SPATA6L: variants seen among roughly 807,000 people sequenced by gnomAD.
SPATA6L encodes the protein spermatogenesis associated 6-like protein.
A neutral mutation model predicts 49.2 loss-of-function variants in SPATA6L; 68 were observed. The ratio of observed to expected loss-of-function variants is 1.38; its 90% confidence interval spans 1.14 to 1.69. The LOEUF (loss-of-function observed/expected upper bound fraction) is 1.69. Ranked by LOEUF, SPATA6L falls within the 40% of genes most tolerant of loss-of-function variation. The pLI, the probability that SPATA6L is intolerant of heterozygous loss-of-function variation, is 0.00. For synonymous variants in SPATA6L, 198 were observed against 165.7 expected, an observed-to-expected ratio of 1.19 and a Z score of -1.50; for missense variants, 668 against 464.3, an observed-to-expected ratio of 1.44 and a Z score of -4.03.
chr9:4,657,733 T>A (rs1838626212), intron 2 of SPATA6L, among the ~76,000 whole-genome samples: 1 of 151,918 alleles, frequency 6.6e-6, no homozygotes, highest in South Asian at 2.1e-4. Context: ...TTTGTTGGAG[T>A]GGAAAGACCC....
chr9:4,630,547 T>C (rs1210272553), intron 4 of SPATA6L, among the ~76,000 whole-genome samples: 1 of 152,216 alleles, frequency 6.6e-6, no homozygotes, highest in Non-Finnish European at 1.5e-5. Context: ...TTCCTTCTTT[T>C]CTTTTCCATC....
chr9:4,653,769 AC>A (rs1837460864), intron 3 of SPATA6L, among the ~76,000 whole-genome samples: 1 of 152,070 alleles, frequency 6.6e-6, no homozygotes, highest in Non-Finnish European at 1.5e-5. Flanking sequence ...TCTCTACAAA[AC>A]AAAAACAAAA....
At chr9:4,627,751 A>AC in intron 5 of SPATA6L, 7 of 1,289,376 alleles carry the variant, frequency 5.4e-6, no homozygotes, top group Non-Finnish European at 7.1e-6. Flanking sequence ...CTTCACGCTT[A>AC]CCAAAGACGG....
Position 4,662,464 on chromosome 9 carries a change from G to A in SPATA6L, c.40-428C>T, listed in dbSNP as rs767343788. 1.2e-5 allele frequency: 18 copies of A among 1,546,444 alleles called. No individual in the cohort carries two copies. The African/African-American group carries it at 2.2e-4, about 19-fold the overall frequency. On this transcript the variant is annotated intron_variant, in intron 1 of 11. Coordinates refer to ENST00000682582, the MANE Select transcript of SPATA6L (RefSeq NM_001353486.2). This position sits in a 1 kb window ranked among gnomAD's most constrained non-coding sequence, Gnocchi z 4.9. ...AGCAGCCCCGGCAGCCCAGCCCATG[G>A]CGGCGGTGGCGGCGGCAGCAGGTTT...
Position 4,656,075 on chromosome 9 carries a change from T to G in SPATA6L, c.192A>C (p.Ala64=). The change falls in exon 3 of 12, where the codon GCA becomes GCC. Residue 64 remains alanine (A), a synonymous_variant. Transcript: ENST00000682582. ...SMRFEKVFES[A]VDPGAVVDLL... is the part of the protein sequence containing the mutation. Reference sequence around the variant, plus strand: ...GGTCTACTACAGCTCCAGGATCTACTGCACTTTCAAATACCTGCAGAGAAA... The same window carrying G: ...GGTCTACTACAGCTCCAGGATCTACGGCACTTTCAAATACCTGCAGAGAAA... The G allele has an allele frequency of 6.2e-7, 1 of 1,613,004 alleles. No homozygotes were observed. The highest frequency in any genetic ancestry group is 1.1e-5 in the South Asian group (1 of 90,884).
At chr9:4,640,363 G>A (rs554980854) in intron 3 of SPATA6L, among the ~76,000 whole-genome samples, 1 of 152,156 alleles carries the variant, frequency 6.6e-6, no homozygotes, top group East Asian at 1.9e-4. Context: ...ATTATTACTT[G>A]TATTATTAAT....
intron 9 of SPATA6L, among the ~76,000 whole-genome samples, chr9:4,606,811 T>G (rs1190061959): frequency 4.0e-5 from 6 of 148,328 alleles, no homozygotes; most frequent in African/African-American, 1.5e-4. Context: ...TTCGACGAGC[T>G]GAGAGAAGAA....
At position 4,617,955 on chromosome 9, in the gene SPATA6L, A is replaced by G; in HGVS notation, c.963T>C (p.Pro321=). The part of the protein sequence containing the change: ...SFATYQHSTS[P]GPLDQPLLRE... ...TGAGAAGGGGCTGATCCAAGGGGCC[A>G]GGAGAGGTGGAATGCTGGTAGGTGG... The change falls in exon 9 of 12, where the codon CCT becomes CCC. Residue 321 remains proline, a synonymous_variant. Coordinates refer to ENST00000682582, the MANE Select transcript of SPATA6L (RefSeq NM_001353486.2). 6.2e-7 allele frequency: 1 copy of G among 1,613,896 alleles called. No individual in the cohort carries two copies. The highest frequency in any genetic ancestry group is 8.5e-7 in the Non-Finnish European group (1 of 1,179,916).
At chr9:4,627,804 T>C (rs899739533) in intron 5 of SPATA6L, 1 of 1,289,150 alleles carries the variant, frequency 7.8e-7, no homozygotes, top group African/African-American at 1.5e-5. Flanking sequence ...AAAAGAAAGG[T>C]GGCCCCATGT....
chr9:4,651,057 G>A (rs1380638453), intron 3 of SPATA6L, among the ~76,000 whole-genome samples: 3 of 151,952 alleles, frequency 2.0e-5, no homozygotes, highest in Non-Finnish European at 2.9e-5. Context: ...AGCTGGGGTA[G>A]AGTGGTACGA....
chr9:4,605,426 G>C lies in SPATA6L; in HGVS notation c.1010C>G (p.Ser337Cys), dbSNP rs771189142. The change falls in exon 10 of 12, where the codon TCT becomes TGT. Residue 337 changes from serine (S) to cysteine (C), a missense_variant. Physicochemically the swap from Ser to Cys is moderately radical, Grantham distance 112 (BLOSUM62 -1). Coordinates refer to ENST00000682582, the MANE Select transcript of SPATA6L (RefSeq NM_001353486.2). The part of the protein sequence containing the change: ...PLLRERFHPG[S>C]QSTWKNIHER... ...ATGGATATTCTTCCATGTGGACTGA[G>C]AACCAGGATGGAACCTGCTCAACAG... 2 of 1,613,874 alleles carry C rather than the reference G, an allele frequency of 1.2e-6. No individual in the cohort carries two copies. Among genetic ancestry groups the C allele is most frequent in the South Asian group, 2.2e-5 (2 of 91,074 alleles).
chr9:4,612,576 C>G (rs568069456), intron 9 of SPATA6L, among the ~76,000 whole-genome samples: 2 of 152,304 alleles, frequency 1.3e-5, no homozygotes, highest in East Asian at 3.9e-4. Context: ...GTTATACGGA[C>G]TTGCAGTTTC....
chr9:4,642,731 A>G (rs1834307783), intron 3 of SPATA6L, among the ~76,000 whole-genome samples: 1 of 151,200 alleles, frequency 6.6e-6, no homozygotes, highest in South Asian at 2.1e-4. Flanking sequence ...ACCATAAAAC[A>G]TCAAAATAAC....
At chr9:4,656,150 C>CAGTT in intron 2 of SPATA6L, 61 bp from the exon 3 acceptor site, 2 of 1,409,992 alleles carry the variant, frequency 1.4e-6, no homozygotes, top group Non-Finnish European at 2.0e-6. Context: ...CATATAGAAA[C>CAGTT]TGTAAATGCC....
At chr9:4,611,815 A>AT (rs919876346) in intron 9 of SPATA6L, among the ~76,000 whole-genome samples, 1 of 151,230 alleles carries the variant, frequency 6.6e-6, no homozygotes, top group Admixed American at 6.6e-5. Flanking sequence ...AGAAAAAAAA[A>AT]TTTTTAATCC....
At chr9:4,646,520 C>A in intron 3 of SPATA6L, 1 of 1,500,998 alleles carries the variant, frequency 6.7e-7, no homozygotes, top group Non-Finnish European at 8.9e-7. Context: ...TCAAACCTGG[C>A]TAGGAAGCCT....
chr9:4,617,704 G>A (rs1326460045), intron 9 of SPATA6L, among the ~76,000 whole-genome samples: 2 of 152,114 alleles, frequency 1.3e-5, no homozygotes, highest in East Asian at 3.8e-4. Flanking sequence ...TAGATAAATA[G>A]TACCTATGTC....
chr9:4,631,652 A>T (rs1831577581), intron 4 of SPATA6L, among the ~76,000 whole-genome samples: 1 of 152,246 alleles, frequency 6.6e-6, no homozygotes, highest in Non-Finnish European at 1.5e-5. Context: ...AAATCTAATT[A>T]TTAATCAATT....
chr9:4,638,133 T>G (rs12335757), intron 3 of SPATA6L, among the ~76,000 whole-genome samples: 17,427 of 152,126 alleles, frequency 0.11, 2,011 homozygotes, highest in African/African-American at 0.3. Context: ...TAAAAATTAA[T>G]TTCCATAAGA....
Sources: gnomAD v4.1 joint callset for allele counts (sites outside exome capture counted in the v4.1 genomes callset) on GRCh38, gnomAD v4.1.1 for gene constraint, Gnocchi (gnomAD v3.1) non-coding constraint, MANE v1.5 for transcripts, NCBI Gene and HGNC (gene_info 2026-07-23, HGNC 2026-07-21) for gene names.